SYT1: variants seen among roughly 807,000 people sequenced by gnomAD.
The protein encoded by SYT1 is synaptotagmin 1.
A neutral mutation model predicts 44.8 loss-of-function variants in SYT1; 8 were observed. That is an observed-to-expected ratio of 0.18 (90% CI 0.10 to 0.32). SYT1 has a LOEUF of 0.32. Ranked by LOEUF, SYT1 falls within the 10% of genes least tolerant of loss-of-function variation. The pLI, the probability that SYT1 is intolerant of heterozygous loss-of-function variation, is 1.00. For synonymous variants in SYT1, 154 were observed against 188.8 expected, an observed-to-expected ratio of 0.82 and a Z score of 1.51; for missense variants, 286 against 509.3, an observed-to-expected ratio of 0.56 and a Z score of 4.22.
At chr12:78,965,822 T>C (rs1040029356) in intron 1 of SYT1, among the ~76,000 whole-genome samples, 6 of 152,084 alleles carry the variant, frequency 3.9e-5, no homozygotes, top group African/African-American at 1.4e-4. Flanking sequence ...CTCACACCTG[T>C]AATCCCAGCA....
At chr12:79,328,575 G>A (rs942531585) in intron 8 of SYT1, among the ~76,000 whole-genome samples, 6 of 152,114 alleles carry the variant, frequency 3.9e-5, no homozygotes, top group African/African-American at 7.2e-5. Flanking sequence ...GGCCGGGTGC[G>A]GTGGCTCACG....
chr12:79,215,261 A>AC, intron 3 of SYT1, among the ~76,000 whole-genome samples: 1 of 152,262 alleles, frequency 6.6e-6, no homozygotes, highest in South Asian at 2.1e-4. Context: ...ATCCACTGGT[A>AC]GTCTGTTCCA....
chr12:79,280,507 C>T (rs1191304937), intron 4 of SYT1, among the ~76,000 whole-genome samples: 2 of 151,684 alleles, frequency 1.3e-5, no homozygotes, highest in African/African-American at 2.4e-5. Context: ...ATTAACACAA[C>T]TTGGATTAAA....
intron 3 of SYT1, among the ~76,000 whole-genome samples, chr12:79,192,443 C>G (rs1873187298): frequency 6.6e-6 from 1 of 152,116 alleles, no homozygotes; most frequent in South Asian, 2.1e-4. Flanking sequence ...TAATTTCTGA[C>G]CCCATGTACA....
chr12:79,265,431 A>T (rs1449032038), intron 4 of SYT1, among the ~76,000 whole-genome samples: 1 of 152,154 alleles, frequency 6.6e-6, no homozygotes, highest in African/African-American at 2.4e-5. Context: ...ACTGATTTGG[A>T]GTAAATAATT....
chr12:79,289,262 T>G (rs1332427672), intron 5 of SYT1, among the ~76,000 whole-genome samples: 2 of 152,230 alleles, frequency 1.3e-5, no homozygotes, highest in Admixed American at 1.3e-4. Context: ...CTTTTTCTAC[T>G]GCAATTTATC....
At chr12:78,985,767 G>C (rs1188894946) in intron 2 of SYT1, among the ~76,000 whole-genome samples, 1 of 151,910 alleles carries the variant, frequency 6.6e-6, no homozygotes, top group Non-Finnish European at 1.5e-5. Flanking sequence ...TTTATGATCA[G>C]TGTGCTTCAA....
At chr12:79,345,773 C>G (rs1392896680) in intron 8 of SYT1, among the ~76,000 whole-genome samples, 1 of 152,142 alleles carries the variant, frequency 6.6e-6, no homozygotes, top group Non-Finnish European at 1.5e-5. Flanking sequence ...CACATATTAT[C>G]TTATTAAAAT....
intron 3 of SYT1, among the ~76,000 whole-genome samples, chr12:79,118,742 G>C (rs999574589): frequency 6.6e-6 from 1 of 152,168 alleles, no homozygotes; most frequent in Non-Finnish European, 1.5e-5. Flanking sequence ...TGCCCTGGTA[G>C]CTCTTTAAAT....
chr12:79,367,952 G>A (rs375653417), intron 9 of SYT1, among the ~76,000 whole-genome samples: 10 of 151,696 alleles, frequency 6.6e-5, no homozygotes, highest in Admixed American at 3.9e-4. Flanking sequence ...TGTGCACAAT[G>A]CGCAGGTTAG....
intron 8 of SYT1, among the ~76,000 whole-genome samples, chr12:79,343,957 C>T (rs996649686): frequency 6.6e-6 from 1 of 152,120 alleles, no homozygotes; most frequent in Admixed American, 6.5e-5. Flanking sequence ...CCACAAACTC[C>T]GTGGCTTAAA....
At chr12:78,961,302 T>C (rs1478890218) in intron 1 of SYT1, among the ~76,000 whole-genome samples, 2 of 151,952 alleles carry the variant, frequency 1.3e-5, no homozygotes, top group African/African-American at 4.8e-5. Context: ...GGCGACATAA[T>C]CTTATTGTGT....
At chr12:79,351,667 C>G (rs1882910165) in intron 8 of SYT1, among the ~76,000 whole-genome samples, 1 of 152,030 alleles carries the variant, frequency 6.6e-6, no homozygotes, top group African/African-American at 2.4e-5. Flanking sequence ...ATATTGTCTC[C>G]CATTCATTAT....
At chr12:79,056,530 G>T (rs982280450) in intron 3 of SYT1, among the ~76,000 whole-genome samples, 4 of 151,998 alleles carry the variant, frequency 2.6e-5, no homozygotes, top group African/African-American at 9.7e-5. Context: ...TAGCAAAAAT[G>T]CTTTCTATCT....
chr12:79,169,591 A>G (rs1345722674), intron 3 of SYT1, among the ~76,000 whole-genome samples: 3 of 152,028 alleles, frequency 2.0e-5, no homozygotes, highest in Non-Finnish European at 4.4e-5. Context: ...CAAAAGTTAC[A>G]AGCAGATTTG....
At chr12:78,979,180 G>A (rs1869064294) in intron 2 of SYT1, among the ~76,000 whole-genome samples, 1 of 152,118 alleles carries the variant, frequency 6.6e-6, no homozygotes. Flanking sequence ...AATTGCCACA[G>A]TACTAATTTA....
chr12:79,179,285 T>C (rs1388072985), intron 3 of SYT1, among the ~76,000 whole-genome samples: 1 of 124,222 alleles, frequency 8.1e-6, no homozygotes, highest in East Asian at 2.2e-4. Context: ...GATATAGATA[T>C]ATAGATACAG....
intron 9 of SYT1, among the ~76,000 whole-genome samples, chr12:79,437,318 T>C (rs1870146349): frequency 6.6e-6 from 1 of 152,192 alleles, no homozygotes. Context: ...ATTGGATTTC[T>C]GATCTTGAGA....
At position 79,189,497 on chromosome 12, in the gene SYT1, T is replaced by C. The variant is rs1476015753; in HGVS notation, c.-17-28006T>C. Among the ~76,000 whole-genome samples, 7 of 152,294 alleles carry C rather than the reference T, an allele frequency of 4.6e-5. 1 individual carries two copies. The highest frequency in any genetic ancestry group is 1.4e-4 in the African/African-American group (6 of 41,574). On this transcript the variant is annotated intron_variant, in intron 3 of 10. Coordinates refer to ENST00000261205, the MANE Select transcript of SYT1 (RefSeq NM_005639.3). ...CCAAATATTTGTATAATAGCTGACA[T>C]TTTATTAAGTGTTTATTATATGAGA... is the stretch of plus-strand genomic sequence containing the variant.
Sources: allele counts gnomAD v4.1 joint callset (sites outside exome capture counted in the v4.1 genomes callset), GRCh38; gene constraint gnomAD v4.1.1; transcripts MANE v1.5; gene names NCBI Gene and HGNC (gene_info 2026-07-23, HGNC 2026-07-21).